The following NEGR1 variants were observed in gnomAD, a reference collection of about 807,000 sequenced individuals.
The protein encoded by NEGR1 is neuronal growth regulator 1.
Under a neutral mutation model 40.9 loss-of-function variants are expected in NEGR1, and 10 were observed. That is an observed-to-expected ratio of 0.24 (90% confidence interval 0.15 to 0.42). NEGR1 has a LOEUF of 0.42. Ranked by LOEUF, NEGR1 falls within the 10% of genes least tolerant of loss-of-function variation. The probability of loss-of-function intolerance (pLI) is 1.00; values close to 1 mark genes in which losing one functional copy is unlikely to be tolerated. For synonymous variants in NEGR1, 185 were observed against 166.8 expected, an observed-to-expected ratio of 1.11 and a Z score of -0.84; for missense variants, 352 against 438.9, an observed-to-expected ratio of 0.80 and a Z score of 1.77.
At chr1:72,044,357 G>T (rs1022513522) in intron 1 of NEGR1, among the ~76,000 whole-genome samples, 2 of 148,518 alleles carry the variant, frequency 1.3e-5, no homozygotes, top group African/African-American at 4.9e-5. Context: ...AAGAGAAAAT[G>T]AAAAACTAAT....
At chr1:71,699,051 A>G (rs1195902026) in intron 3 of NEGR1, among the ~76,000 whole-genome samples, 1 of 151,918 alleles carries the variant, frequency 6.6e-6, no homozygotes, top group Non-Finnish European at 1.5e-5. Flanking sequence ...GCCTTGAAAA[A>G]AATCACATTC....
chr1:71,930,608 T>C lies in NEGR1; in HGVS notation c.409+4471A>G, dbSNP rs369339486. 3.9e-5 allele frequency among the ~76,000 whole-genome samples: 6 copies of C among 152,336 alleles called. No individual in the cohort carries two copies. The South Asian group carries it at 1.2e-3, about 32-fold the overall frequency. On this transcript the variant is annotated intron_variant, in intron 2 of 6. Transcript: ENST00000357731. ...ATAGAATATTAATAATAAATGATGT[T>C]TGAATGCCTTTTCACTTTATAAAGG... is the stretch of plus-strand genomic sequence containing the variant.
intron 6 of NEGR1, among the ~76,000 whole-genome samples, chr1:71,535,634 A>G (rs533101196): frequency 6.6e-6 from 1 of 151,692 alleles, no homozygotes; most frequent in Admixed American, 6.6e-5. Flanking sequence ...AAGTTGGTTG[A>G]GTTGGAGATT....
chr1:71,450,817 A>G (rs919815197), intron 6 of NEGR1, among the ~76,000 whole-genome samples: 6 of 152,136 alleles, frequency 3.9e-5, no homozygotes, highest in African/African-American at 1.4e-4. Context: ...TCAGGGAAAA[A>G]AAGAAAAAAA....
chr1:71,418,548 C>G (rs1486666760), intron 6 of NEGR1, among the ~76,000 whole-genome samples: 3 of 152,098 alleles, frequency 2.0e-5, no homozygotes, highest in African/African-American at 7.2e-5. Context: ...AGCCTTTTAG[C>G]TCCTTGGGTT....
chr1:71,942,473 ATATATATATATTTTTTT>A, intron 1 of NEGR1, among the ~76,000 whole-genome samples: 1 of 13,112 alleles, frequency 7.6e-5, no homozygotes, highest in Non-Finnish European at 1.7e-4. Context: ...ATATATATAT[ATATATATATATTTTTTT>A]TTTTTTTTTT....
At chr1:71,533,781 A>C (rs1309186040) in intron 6 of NEGR1, among the ~76,000 whole-genome samples, 2 of 151,646 alleles carry the variant, frequency 1.3e-5, no homozygotes, top group East Asian at 3.9e-4. Flanking sequence ...GTGATAATAA[A>C]AGTACCAGTG....
chr1:72,154,807 C>T (rs1298854825), intron 1 of NEGR1, among the ~76,000 whole-genome samples: 1 of 151,934 alleles, frequency 6.6e-6, no homozygotes, highest in Non-Finnish European at 1.5e-5. Flanking sequence ...TCACTGAGTA[C>T]ATCAATACAT....
chr1:71,916,335 C>T (rs1337756346), intron 2 of NEGR1, among the ~76,000 whole-genome samples: 2 of 152,120 alleles, frequency 1.3e-5, no homozygotes, highest in African/African-American at 2.4e-5. Flanking sequence ...CCTTACTAAT[C>T]ATCAGGATAG....
intron 6 of NEGR1, among the ~76,000 whole-genome samples, chr1:71,583,113 A>C (rs1322264746): frequency 9.8e-6 from 1 of 102,176 alleles, no homozygotes; most frequent in Non-Finnish European, 2.1e-5. Flanking sequence ...GAAGGGATAC[A>C]GAAAGTAAAA....
At chr1:72,141,576 C>A in intron 1 of NEGR1, among the ~76,000 whole-genome samples, 1 of 152,040 alleles carries the variant, frequency 6.6e-6, no homozygotes. Context: ...TATTAAAGTT[C>A]ATTTTAACAA....
chr1:72,040,717 G>A (rs1646945958), intron 1 of NEGR1, among the ~76,000 whole-genome samples: 2 of 151,460 alleles, frequency 1.3e-5, no homozygotes, highest in East Asian at 1.9e-4. Context: ...ACTATTTCAA[G>A]GTTCTTGAAA....
chr1:71,996,885 G>A (rs1646509262), intron 1 of NEGR1, among the ~76,000 whole-genome samples: 1 of 151,940 alleles, frequency 6.6e-6, no homozygotes. Context: ...CCCAATGTCT[G>A]TTTTCCCTGA....
intron 1 of NEGR1, among the ~76,000 whole-genome samples, chr1:72,029,684 G>A (rs1362323417): frequency 6.6e-6 from 1 of 151,992 alleles, no homozygotes; most frequent in Non-Finnish European, 1.5e-5. Flanking sequence ...AGTTATATGC[G>A]ACAAAATGAA....
At chr1:72,026,169 T>C (rs1446764741) in intron 1 of NEGR1, among the ~76,000 whole-genome samples, 1 of 147,112 alleles carries the variant, frequency 6.8e-6, no homozygotes, top group Admixed American at 6.8e-5. Context: ...AGATGGCTCA[T>C]TGGATCAAAT....
chr1:71,781,960 G>T (rs752370522), intron 2 of NEGR1, among the ~76,000 whole-genome samples: 1 of 152,046 alleles, frequency 6.6e-6, no homozygotes, highest in Admixed American at 6.6e-5. Context: ...AAGAAACAGC[G>T]AAATGTACAT....
At chr1:71,694,379 T>C (rs1653402802) in intron 4 of NEGR1, among the ~76,000 whole-genome samples, 1 of 151,784 alleles carries the variant, frequency 6.6e-6, no homozygotes, top group Non-Finnish European at 1.5e-5. Flanking sequence ...AGGAAAAAGT[T>C]ACGAATAAGG....
chr1:72,154,474 A>G (rs1175525896), intron 1 of NEGR1, among the ~76,000 whole-genome samples: 1 of 151,974 alleles, frequency 6.6e-6, no homozygotes, highest in Non-Finnish European at 1.5e-5. Context: ...GGCTACATAA[A>G]TTTCTAGAGC....
chr1:71,627,030 A>C (rs1234798026), intron 4 of NEGR1, among the ~76,000 whole-genome samples: 1 of 152,174 alleles, frequency 6.6e-6, no homozygotes, highest in Non-Finnish European at 1.5e-5. Flanking sequence ...AAATAGGAAC[A>C]CTTTTACACT....
Sources: gnomAD v4.1 joint callset for allele counts (sites outside exome capture counted in the v4.1 genomes callset) on GRCh38, gnomAD v4.1.1 for gene constraint, MANE v1.5 for transcripts, NCBI Gene and HGNC (gene_info 2026-07-23, HGNC 2026-07-21) for gene names.